The following IRGM variants were observed in gnomAD, a reference collection of about 807,000 sequenced individuals.
IRGM encodes the protein immunity related GTPase M.
For synonymous variants in IRGM, 98 were observed against 80.6 expected, an observed-to-expected ratio of 1.22 and a Z score of -1.16; for missense variants, 288 against 219.9, an observed-to-expected ratio of 1.31 and a Z score of -1.96.
At chr5:150,877,865 C>A (rs1438760441) in intron 1 of IRGM, 2 of 384,326 alleles carry the variant, frequency 5.2e-6, no homozygotes, top group South Asian at 3.8e-5. Flanking sequence ...TCCTAGTTTG[C>A]ATTTTTGCAT....
In IRGM at chr5:150,848,700, C is replaced by T; in HGVS notation, c.*31C>T. 7.1e-7 allele frequency: 1 copy of T among 1,406,468 alleles called. No individual in the cohort carries two copies. The highest frequency in any genetic ancestry group is 9.6e-7 in the Non-Finnish European group (1 of 1,040,060). The allele number at this position is 1,406,468 out of a possible 1,614,324, so 87.1% of individuals were successfully genotyped here. On this transcript the variant is annotated 3_prime_UTR_variant, in exon 2 of 2. Transcript: ENST00000522154. Reference sequence around the variant, plus strand: ...GTCTTCATTAAACATTTTCCATCTCCTCCTATTGATTCCTTTTCTCCTTTA... The same window carrying T: ...GTCTTCATTAAACATTTTCCATCTCTTCCTATTGATTCCTTTTCTCCTTTA...
intron 2 of IRGM, among the ~76,000 whole-genome samples, chr5:150,878,321 T>C (rs1383584016): frequency 6.6e-6 from 1 of 152,166 alleles, no homozygotes; most frequent in Non-Finnish European, 1.5e-5. Context: ...GTGAAAGATA[T>C]GCAAATCAAT....
chr5:150,883,528 G>A (rs1024533387), intron 3 of IRGM, among the ~76,000 whole-genome samples: 2 of 151,324 alleles, frequency 1.3e-5, no homozygotes, highest in Non-Finnish European at 3.0e-5. Flanking sequence ...AAAGCAAGAA[G>A]ACAAAATCAG....
chr5:150,864,339 C>T (rs1272678189), intron 1 of IRGM, among the ~76,000 whole-genome samples: 3 of 152,028 alleles, frequency 2.0e-5, no homozygotes, highest in Non-Finnish European at 4.4e-5. Context: ...TAATTTTTCC[C>T]ATCGTAGAAA....
chr5:150,874,500 A>G (rs1754334391), intron 1 of IRGM, among the ~76,000 whole-genome samples: 1 of 152,224 alleles, frequency 6.6e-6, no homozygotes, highest in South Asian at 2.1e-4. Flanking sequence ...GGCCCCTTCT[A>G]CAACAAGGAA....
At chr5:150,873,581 T>G (rs1185540515) in intron 1 of IRGM, among the ~76,000 whole-genome samples, 1 of 152,182 alleles carries the variant, frequency 6.6e-6, no homozygotes, top group Non-Finnish European at 1.5e-5. Context: ...GGCCTTCCAG[T>G]AAAAGTAGAG....
At chr5:150,873,891 C>G (rs945133384) in intron 1 of IRGM, among the ~76,000 whole-genome samples, 4 of 152,190 alleles carry the variant, frequency 2.6e-5, no homozygotes, top group African/African-American at 9.7e-5. Flanking sequence ...CCATCAAAAA[C>G]TTGAAAGATG....
At position 150,885,235 on chromosome 5, in the gene IRGM, C is replaced by G. The variant is rs1581652321; in HGVS notation, c.*140+5589C>G. 2.0e-5 allele frequency among the ~76,000 whole-genome samples: 3 copies of G among 151,904 alleles called. No individual in the cohort carries two copies. In the East Asian group the frequency reaches 5.8e-4, roughly 29 times the overall value. Reference sequence around the variant, plus strand: ...AGATCAGATGGTCCCAGGTGTGCAGCCTTATTTTGGAGCTCTCTATCCTGT... The same window carrying G: ...AGATCAGATGGTCCCAGGTGTGCAGGCTTATTTTGGAGCTCTCTATCCTGT... On this transcript the variant is annotated intron_variant and NMD_transcript_variant, in intron 3 of 3. Transcript: ENST00000520549.
intron 3 of IRGM, chr5:150,894,577 G>A (rs1192551420): frequency 7.2e-5 from 11 of 152,218 alleles, no homozygotes; most frequent in African/African-American, 2.4e-4. Flanking sequence ...CTCAGACGTG[G>A]TTTTTACACA....
intron 1 of IRGM, among the ~76,000 whole-genome samples, chr5:150,876,425 GA>G (rs1262023371): frequency 2.0e-5 from 3 of 152,150 alleles, no homozygotes; most frequent in Admixed American, 2.0e-4. Flanking sequence ...GCCAACAGGG[GA>G]AACAATAACG....
chr5:150,858,142 A>C (rs1460215568), intron 1 of IRGM, among the ~76,000 whole-genome samples: 142 of 152,068 alleles, frequency 9.3e-4, no homozygotes, highest in Non-Finnish European at 2.4e-4. Context: ...CTTTCTACAT[A>C]TGGCTAGCCA....
intron 3 of IRGM, among the ~76,000 whole-genome samples, chr5:150,885,637 G>A (rs572221149): frequency 1.1e-4 from 16 of 151,926 alleles, no homozygotes; most frequent in African/African-American, 2.2e-4. Flanking sequence ...TCACCTCTCC[G>A]GTTAGCTGTA....
intron 1 of IRGM, among the ~76,000 whole-genome samples, chr5:150,862,628 C>T (rs1446221822): frequency 6.6e-6 from 1 of 152,182 alleles, no homozygotes; most frequent in African/African-American, 2.4e-5. Context: ...CTTAGATATT[C>T]ATCAGCCTAA....
intron 1 of IRGM, among the ~76,000 whole-genome samples, chr5:150,860,811 C>T (rs1213647070): frequency 1.3e-5 from 2 of 152,202 alleles, no homozygotes; most frequent in Non-Finnish European, 2.9e-5. Flanking sequence ...CTGCCTTGCT[C>T]ACTGGACTTT....
At chr5:150,851,650 T>G (rs150595851), downstream of IRGM, among the ~76,000 whole-genome samples, 144 of 152,338 alleles carry the variant, frequency 9.5e-4, 1 homozygote, top group African/African-American at 3.3e-3. Context: ...TTCAATCCCT[T>G]GCCACTCCCA....
intron 3 of IRGM, among the ~76,000 whole-genome samples, chr5:150,891,031 T>C (rs1413310369): frequency 6.6e-6 from 1 of 151,962 alleles, no homozygotes; most frequent in Non-Finnish European, 1.5e-5. Flanking sequence ...TGAGAATGTA[T>C]TGAAATTTCT....
intron 1 of IRGM, among the ~76,000 whole-genome samples, chr5:150,862,338 G>A (rs1004067539): frequency 6.6e-6 from 1 of 152,210 alleles, no homozygotes; most frequent in Non-Finnish European, 1.5e-5. Context: ...TAGTCTGTTG[G>A]TTAGAAGCAG....
At chr5:150,882,417 AAG>A (rs1486941236) in intron 3 of IRGM, among the ~76,000 whole-genome samples, 1 of 152,130 alleles carries the variant, frequency 6.6e-6, no homozygotes, top group Non-Finnish European at 1.5e-5. Context: ...CTTCAATCAA[AAG>A]AGAGAGTGAA....
In IRGM at chr5:150,862,025, T is replaced by C. The variant is rs147003114; in HGVS notation, c.158+13371T>C. Among the ~76,000 whole-genome samples the C allele has an allele frequency of 9.5e-4, 144 of 152,344 alleles. 1 individual carries two copies. The highest frequency in any genetic ancestry group is 3.3e-3 in the African/African-American group (138 of 41,574). On this transcript the variant is annotated intron_variant and NMD_transcript_variant, in intron 1 of 3. Transcript: ENST00000520549. ...GAGTCTTTTGATTCAATGTCTCTCA[T>C]GGGCTATGATGAAGTTCCCAGCCAG... is the stretch of plus-strand genomic sequence containing the variant.
Sources: gnomAD v4.1 joint callset for allele counts (sites outside exome capture counted in the v4.1 genomes callset) on GRCh38, gnomAD v4.1.1 for gene constraint, MANE v1.5 for transcripts, NCBI Gene and HGNC (gene_info 2026-07-23, HGNC 2026-07-21) for gene names.